KAZN: variants seen among roughly 807,000 people sequenced by gnomAD.
The protein encoded by KAZN is kazrin.
In KAZN, 40 loss-of-function variants were observed where a neutral mutation model predicts 87.4. The ratio of observed to expected loss-of-function variants is 0.46; its 90% confidence interval spans 0.36 to 0.60. KAZN has a LOEUF of 0.60. Ranked by LOEUF, KAZN falls within the 20% of genes least tolerant of loss-of-function variation. The pLI, the probability that KAZN is intolerant of heterozygous loss-of-function variation, is 0.00. For missense variants in KAZN, 898 were observed against 1,073.9 expected (o/e 0.84, Z 2.29); for synonymous variants, 466 against 458.3 (o/e 1.02, Z -0.22).
intron 1 of KAZN, among the ~76,000 whole-genome samples, chr1:14,634,171 C>G (rs1010960645): frequency 1.9e-4 from 29 of 152,122 alleles, no homozygotes; most frequent in South Asian, 6.2e-4. Flanking sequence ...CAATGGATGC[C>G]GTTTATCGTA....
At chr1:15,103,872 T>TG (rs1304224527) in intron 12 of KAZN, 151 bp from the exon 13 acceptor site, 1 of 717,482 alleles carries the variant, frequency 1.4e-6, no homozygotes, top group Non-Finnish European at 2.3e-6. Flanking sequence ...TCTAAAAAAT[T>TG]GGGGAGGGGT....
chr1:13,909,323 C>A (rs551728052), intron 1 of KAZN, among the ~76,000 whole-genome samples: 1 of 152,170 alleles, frequency 6.6e-6, no homozygotes, highest in South Asian at 2.1e-4. Context: ...TCCTGGGATG[C>A]CTGACAATAA....
chr1:14,417,852 C>T (rs981097363), intron 2 of KAZN, among the ~76,000 whole-genome samples: 2 of 151,394 alleles, frequency 1.3e-5, no homozygotes, highest in African/African-American at 2.4e-5. Flanking sequence ...AAAAATTAGC[C>T]GGGCGTGGTG....
In KAZN at chr1:14,219,898, A is replaced by G. The variant is rs933758066; in HGVS notation, c.249+39306A>G. Among the ~76,000 whole-genome samples, 13 of 152,228 alleles carry G rather than the reference A, an allele frequency of 8.5e-5. No homozygotes were observed. The East Asian group carries it at 2.5e-3, about 29-fold the overall frequency. On this transcript the variant is annotated intron_variant, in intron 2 of 16. Coordinates refer to the KAZN transcript ENST00000636203. ...CATATGTTCTAGTTTGCATCACTCA[A>G]CATGACTGAAACCCACTGTCTGAAG...
At chr1:14,993,513 G>T (rs1450545085) in intron 2 of KAZN, among the ~76,000 whole-genome samples, 3 of 151,924 alleles carry the variant, frequency 2.0e-5, no homozygotes. Flanking sequence ...TTCAGGTGGC[G>T]TCTGCCCCTA....
intron 1 of KAZN, among the ~76,000 whole-genome samples, chr1:14,890,593 A>G (rs539022447): frequency 9.6e-4 from 146 of 152,280 alleles, no homozygotes; most frequent in African/African-American, 3.4e-3. Flanking sequence ...ATTCTGAATG[A>G]CGGGCGTGAA....
At chr1:15,009,215 C>T (rs944568376) in intron 2 of KAZN, among the ~76,000 whole-genome samples, 7 of 152,212 alleles carry the variant, frequency 4.6e-5, no homozygotes, top group African/African-American at 1.4e-4. Flanking sequence ...TTTTAAAGCA[C>T]GCCCAGGGTT....
chr1:14,900,663 A>G (rs34017107), intron 1 of KAZN, among the ~76,000 whole-genome samples: 17,450 of 151,536 alleles, frequency 0.12, 1,743 homozygotes, highest in African/African-American at 0.27. Flanking sequence ...CTGAGGCAGG[A>G]GAATGGCAAG....
In KAZN at chr1:14,960,880, G is replaced by T; in HGVS notation, c.418+5G>T. ...GAGCCAAAGAAGCCTTGCAGGGTGA[G>T]TGACGAGTCAGCAGCAGTTCCTTCG... On this transcript the variant is annotated splice_donor_5th_base_variant and intron_variant, in intron 2 of 14. Coordinates refer to ENST00000376030, the MANE Select transcript of KAZN (RefSeq NM_201628.3). 1 of 1,597,646 alleles carries T rather than the reference G, an allele frequency of 6.3e-7. No homozygotes were observed. Among genetic ancestry groups the T allele is most frequent in the Non-Finnish European group, 8.5e-7 (1 of 1,169,936 alleles).
chr1:14,489,736 A>AAATAATAATAATAAT lies in KAZN; in HGVS notation c.250-109225_250-109211dup, dbSNP rs57610968. On this transcript the variant is annotated intron_variant, in intron 2 of 16. Transcript: ENST00000636203. Reference sequence around the variant, plus strand: ...GTGACAGAGTAAGACTCTGTCTTAAAAATAATAATAATAATAATAATAATA... The same window carrying AAATAATAATAATAAT: ...GTGACAGAGTAAGACTCTGTCTTAAAAATAATAATAATAATAATAATAATAATAATAATAATAATA... Among the ~76,000 whole-genome samples the AAATAATAATAATAAT allele has an allele frequency of 9.8e-3, 1,411 of 144,484 alleles. 14 individuals carry two copies. The highest frequency in any genetic ancestry group is 0.013 in the Non-Finnish European group (874 of 66,402). The allele number at this position is 144,484 out of a possible 152,430, so 94.8% of individuals were successfully genotyped here.
chr1:14,292,413 C>G (rs992044180), intron 2 of KAZN, among the ~76,000 whole-genome samples: 1 of 152,114 alleles, frequency 6.6e-6, no homozygotes, highest in Non-Finnish European at 1.5e-5. Context: ...GCTTGGGGAC[C>G]CTTCCAAGGC....
chr1:14,764,554 T>A (rs1295796752), intron 1 of KAZN, among the ~76,000 whole-genome samples: 2 of 152,042 alleles, frequency 1.3e-5, no homozygotes, highest in Non-Finnish European at 2.9e-5. Context: ...GTAGATACGG[T>A]TGCCTGTTTT....
chr1:14,764,371 G>GGCC (rs1644827685), intron 1 of KAZN, among the ~76,000 whole-genome samples: 1 of 99,772 alleles, frequency 1.0e-5, no homozygotes, highest in African/African-American at 3.6e-5. Flanking sequence ...AACCACTCCC[G>GGCC]ACCCCCTCCC....
chr1:14,564,927 T>C (rs1674467228), intron 2 of KAZN, among the ~76,000 whole-genome samples: 1 of 152,180 alleles, frequency 6.6e-6, no homozygotes, highest in Non-Finnish European at 1.5e-5. Flanking sequence ...ACAATATCTG[T>C]GGGAGCATAA....
chr1:15,000,883 C>T (rs1668397862), intron 2 of KAZN, among the ~76,000 whole-genome samples: 1 of 151,838 alleles, frequency 6.6e-6, no homozygotes, highest in Non-Finnish European at 1.5e-5. Flanking sequence ...GCGGGAGAAT[C>T]ACTTGAGCCC....
At chr1:14,381,381 A>C (rs12567426) in intron 2 of KAZN, among the ~76,000 whole-genome samples, 6,178 of 152,242 alleles carry the variant, frequency 0.041, 273 homozygotes, top group East Asian at 0.19. Flanking sequence ...AAAAAAAAAA[A>C]ATTGTAGGCC....
intron 2 of KAZN, among the ~76,000 whole-genome samples, chr1:14,413,812 G>A (rs996072802): frequency 6.6e-6 from 1 of 152,026 alleles, no homozygotes; most frequent in African/African-American, 2.4e-5. Flanking sequence ...TTAAAAATTA[G>A]CATCTGGAAT....
chr1:14,992,245 G>A (rs1667431124), intron 2 of KAZN, among the ~76,000 whole-genome samples: 1 of 152,194 alleles, frequency 6.6e-6, no homozygotes, highest in Admixed American at 6.5e-5. Context: ...TCCTCAGGGA[G>A]AAGCAGGGGA....
At chr1:14,290,657 G>A (rs565929613) in intron 2 of KAZN, among the ~76,000 whole-genome samples, 40 of 152,200 alleles carry the variant, frequency 2.6e-4, no homozygotes, top group African/African-American at 9.1e-4. Context: ...TGTTATTACC[G>A]ACCTTGTGAA....
Sources: allele counts gnomAD v4.1 joint callset (sites outside exome capture counted in the v4.1 genomes callset), GRCh38; gene constraint gnomAD v4.1.1; transcripts MANE v1.5; gene names NCBI Gene and HGNC (gene_info 2026-07-23, HGNC 2026-07-21).